Variants in STARD9 observed in about 807,000 individuals in gnomAD.
STARD9 encodes StAR related lipid transfer domain containing 9.
A neutral mutation model predicts 399.8 loss-of-function variants in STARD9; 346 were observed. That is an observed-to-expected ratio of 0.87 (90% confidence interval 0.79 to 0.95). The LOEUF (loss-of-function observed/expected upper bound fraction) is 0.95. STARD9 is among the 40% of genes least tolerant of loss of function. The pLI, the probability that STARD9 is intolerant of heterozygous loss-of-function variation, is 0.00. For missense variants in STARD9, 5,832 were observed against 5,667.5 expected (o/e 1.03, Z -0.93); for synonymous variants, 2,203 against 2,143.5 (o/e 1.03, Z -0.77).
rs568207438 is a variant in STARD9 at position 42,595,714 on chromosome 15, T to G, written c.234+10077T>G. 7.9e-5 allele frequency among the ~76,000 whole-genome samples: 12 copies of G among 152,250 alleles called. No homozygotes were observed. In the East Asian group the frequency reaches 2.3e-3, roughly 29 times the overall value. ...AGAGCTTTGTACATTCCATCACTAGTGCTGGTTTTTTTCCAACCAAGATGG... is the reference window on the plus strand; with the variant it reads ...AGAGCTTTGTACATTCCATCACTAGGGCTGGTTTTTTTCCAACCAAGATGG... On this transcript the variant is annotated intron_variant, in intron 3 of 32. Coordinates refer to ENST00000290607, the MANE Select transcript of STARD9 (RefSeq NM_020759.3).
chr15:42,587,852 A>G (rs1421386567), intron 3 of STARD9, among the ~76,000 whole-genome samples: 1 of 152,222 alleles, frequency 6.6e-6, no homozygotes, highest in Non-Finnish European at 1.5e-5. Context: ...GGCATGAGTC[A>G]CCATGCCAGG....
intron 7 of STARD9, among the ~76,000 whole-genome samples, chr15:42,649,528 T>C (rs2059715297): frequency 6.6e-6 from 1 of 152,178 alleles, no homozygotes; most frequent in Admixed American, 6.5e-5. Context: ...TACAATCTTG[T>C]CTTTAAACTC....
intron 3 of STARD9, among the ~76,000 whole-genome samples, chr15:42,622,377 C>G (rs1566881260): frequency 2.6e-5 from 4 of 152,100 alleles, no homozygotes; most frequent in Non-Finnish European, 1.5e-5. Flanking sequence ...CTGTCTCTCT[C>G]TTTTTTTAGA....
At chr15:42,673,031 G>C (rs1464247540) in intron 16 of STARD9, 2 of 151,682 alleles carry the variant, frequency 1.3e-5, no homozygotes, top group African/African-American at 4.9e-5. Flanking sequence ...CTGGGAGGCA[G>C]AGGTTGCGGT....
At position 42,651,057 on chromosome 15, in the gene STARD9, C is replaced by T. The variant is rs1169342444; in HGVS notation, c.601C>T (p.Gln201Ter). Residue 201 changes from glutamine (Q) to a stop codon, truncating the protein, a stop_gained, in exon 8 of 33, where the codon CAA (glutamine) becomes TAA (stop). Coordinates refer to ENST00000290607, the MANE Select transcript of STARD9 (RefSeq NM_020759.3). LOFTEE classifies it high-confidence loss of function. ...HVVTNYKQVI[Q>*]LLEEGIANRI... ...AGTTACCAATTATAAGCAAGTAATC[C>T]AACTCTTGGAGGAGGGAATTGCAAA... 2.0e-6 allele frequency: 3 copies of T among 1,534,528 alleles called. No individual in the cohort carries two copies. The highest frequency in any genetic ancestry group is 2.6e-6 in the Non-Finnish European group (3 of 1,145,214).
At chr15:42,669,079 G>A in intron 15 of STARD9, 79 bp from the exon 16 acceptor site, 2 of 1,249,370 alleles carry the variant, frequency 1.6e-6, no homozygotes, top group Non-Finnish European at 2.2e-6. Context: ...TGGGGAAATA[G>A]GAATAGATTG....
rs985822585 is a variant in STARD9, at chr15:42,575,826, G to A, written c.47+64G>A. 6.2e-5 allele frequency: 92 copies of A among 1,479,262 alleles called. 1 individual carries two copies. The East Asian group carries it at 1.8e-3, about 30-fold the overall frequency. The allele number at this position is 1,479,262 out of a possible 1,614,324, so 91.6% of individuals were successfully genotyped here. A position where few individuals can be genotyped will look rare whatever the true frequency, so the allele number is the denominator to read the frequency against. ...GAGCTGAAAAGAGCGGGAGGTCCGC[G>A]TCTCCCCCTGCAGAGATTCTGGCGC... On this transcript the variant is annotated intron_variant, in intron 1 of 32. Coordinates refer to ENST00000290607, the MANE Select transcript of STARD9 (RefSeq NM_020759.3).
chr15:42,675,015 C>A, intron 18 of STARD9, 51 bp downstream of exon 18: 1 of 1,451,856 alleles, frequency 6.9e-7, no homozygotes, highest in South Asian at 1.4e-5. Context: ...TGGACCAGCT[C>A]CAGTTTCATG....
intron 7 of STARD9, 72 bp from the exon 8 acceptor site, chr15:42,650,944 A>G (rs968229144): frequency 9.3e-7 from 1 of 1,070,840 alleles, no homozygotes; most frequent in African/African-American, 1.6e-5. Context: ...AATGATAAAG[A>G]CTTACAAGAA....
chr15:42,687,483 A>C lies in STARD9; in HGVS notation c.5905A>C (p.Thr1969Pro). The C allele has an allele frequency of 6.5e-7, 1 of 1,537,178 alleles. No homozygotes were observed. Among genetic ancestry groups the C allele is most frequent in the Non-Finnish European group, 8.7e-7 (1 of 1,146,902 alleles). ...GATGGTGGCCCAGGGTGGTGGCCCA[A>C]CCCCTAAGTGGGAAGGGAAAAATGA... ...PVMVAQGGGP[T>P]PKWEGKNETG... is the part of the protein sequence containing the mutation. Residue 1969 changes from threonine (T) to proline (P), a missense_variant, in exon 23 of 33, where the codon ACC becomes CCC. Transcript: ENST00000290607.
In STARD9 at chr15:42,692,852, T is replaced by A; in HGVS notation, c.11274T>A (p.Asn3758Lys). 1 of 1,537,176 alleles carries A rather than the reference T, an allele frequency of 6.5e-7. No homozygotes were observed. The highest frequency in any genetic ancestry group is 1.2e-5 in the South Asian group (1 of 84,048). Reference protein sequence around the residue: ...QTSEAEPQGANVILEGLGSDT... With the variant: ...QTSEAEPQGAKVILEGLGSDT... ...CAGAGGCTGAACCTCAGGGAGCCAA[T>A]GTGATCCTTGAAGGGCTAGGCTCAG... Residue 3758 changes from asparagine (N) to lysine (K), a missense_variant, in exon 23 of 33, where the codon AAT becomes AAA. Transcript: ENST00000290607.
intron 3 of STARD9, among the ~76,000 whole-genome samples, chr15:42,595,390 C>T (rs899388746): frequency 2.0e-5 from 3 of 152,164 alleles, no homozygotes; most frequent in African/African-American, 7.2e-5. Flanking sequence ...TCCAAGCTCT[C>T]GCACACTATA....
chr15:42,577,788 T>G (rs7164196), intron 1 of STARD9, among the ~76,000 whole-genome samples: 151,362 of 152,310 alleles, frequency 0.99, 75,216 homozygotes, highest in Middle Eastern at 1. Flanking sequence ...GGTGTTATAC[T>G]GTCTTCATTG....
At position 42,674,502 on chromosome 15, in the gene STARD9, G is replaced by T; in HGVS notation, c.1549+11G>T. 1 of 1,536,594 alleles carries T rather than the reference G, an allele frequency of 6.5e-7. No homozygotes were observed. The highest frequency in any genetic ancestry group is 8.7e-7 in the Non-Finnish European group (1 of 1,146,308). On this transcript the variant is annotated intron_variant, in intron 17 of 32. Coordinates refer to ENST00000290607, the MANE Select transcript of STARD9 (RefSeq NM_020759.3). ...AGGAACAGGACATTGGTAAGTGGCA[G>T]AGTATATGAGTCCAGCATTTTGGGG...
chr15:42,584,508 A>G (rs894341288), intron 2 of STARD9, among the ~76,000 whole-genome samples: 1 of 152,226 alleles, frequency 6.6e-6, no homozygotes, highest in African/African-American at 2.4e-5. Context: ...CCCTGTGGTC[A>G]GTTATCCAGG....
At chr15:42,636,382 G>T (rs1244644216) in intron 4 of STARD9, among the ~76,000 whole-genome samples, 1 of 151,964 alleles carries the variant, frequency 6.6e-6, no homozygotes, top group African/African-American at 2.4e-5. Flanking sequence ...GGAGTTCGAG[G>T]CCAGCCTGGC....
rs756434622 is a variant in STARD9 at position 42,689,934 on chromosome 15, C to G, written c.8356C>G (p.Pro2786Ala). Residue 2786 changes from proline to alanine, a missense_variant, in exon 23 of 33, where the codon CCC becomes GCC. Physicochemically the swap from Pro to Ala is conservative, Grantham distance 27. This residue lies in a region of STARD9 where 5,828 missense variants were observed against 5,651.1 expected (regional missense o/e 1.03). Coordinates refer to ENST00000290607, the MANE Select transcript of STARD9 (RefSeq NM_020759.3). ...SQDSSPEHQE[P>A]RTLDTTYGEV... ...GGACAGCAGCCCAGAGCATCAGGAA[C>G]CCAGAACTCTAGACACCACATATGG... The G allele has an allele frequency of 6.5e-7, 1 of 1,537,656 alleles. No homozygotes were observed. The highest frequency in any genetic ancestry group is 1.2e-5 in the South Asian group (1 of 84,064).
chr15:42,699,392 CTT>C (rs34614271), intron 26 of STARD9, among the ~76,000 whole-genome samples: 3 of 113,290 alleles, frequency 2.6e-5, no homozygotes, highest in Admixed American at 8.7e-5. Context: ...TTTTTCTTTT[CTT>C]TTTTTTTTTT....
In STARD9 at chr15:42,720,248, T is replaced by TGTC. The variant is rs1223072799; in HGVS notation, c.*675_*677dup. 6.6e-6 allele frequency: 1 copy of TGTC among 152,312 alleles called. No homozygotes were observed. Among genetic ancestry groups the TGTC allele is most frequent in the African/African-American group, 2.4e-5 (1 of 41,462 alleles). 9.4% of individuals were successfully genotyped at this position (152,312 alleles called of 1,614,324 possible). A position where few individuals can be genotyped will look rare whatever the true frequency, so the allele number is the denominator to read the frequency against. ...GAGCGATGATGCTCTGATATGGAGC[T>TGTC]GTCACTCTAGAGCTCGGTCAGATGG... On this transcript the variant is annotated 3_prime_UTR_variant, in exon 33 of 33. Transcript: ENST00000290607.
Sources: gnomAD v4.1 joint callset for allele counts (sites outside exome capture counted in the v4.1 genomes callset) on GRCh38, gnomAD v4.1.1 for gene constraint, gnomAD v4.1.1 regional missense constraint, MANE v1.5 for transcripts, NCBI Gene and HGNC (gene_info 2026-07-23, HGNC 2026-07-21) for gene names.